The following SHLD1 variants were observed in gnomAD, a reference collection of about 807,000 sequenced individuals.
The protein encoded by SHLD1 is RINN1-REV7-interacting novel NHEJ regulator 3.
In SHLD1, 3 loss-of-function variants were observed where a neutral mutation model predicts 5.5. The ratio of observed to expected loss-of-function variants is 0.54; its 90% CI spans 0.25 to 1.40. SHLD1 has a LOEUF of 1.40. Ranked by LOEUF, SHLD1 falls within the 40% of genes most tolerant of loss-of-function variation. The pLI is 0.15. For missense variants in SHLD1, 210 were observed against 244.4 expected (o/e 0.86, Z 0.94); for synonymous variants, 92 against 94.3 (o/e 0.98, Z 0.14).
At chr20:5,809,975 TC>T (rs2122370169) in intron 2 of SHLD1, among the ~76,000 whole-genome samples, 1 of 152,102 alleles carries the variant, frequency 6.6e-6, no homozygotes, top group East Asian at 1.9e-4. Flanking sequence ...ATTGGATTGT[TC>T]GGCCAGGCGC....
At chr20:5,762,127 C>T (rs1243737966) in intron 1 of SHLD1, among the ~76,000 whole-genome samples, 1 of 151,518 alleles carries the variant, frequency 6.6e-6, no homozygotes, top group Non-Finnish European at 1.5e-5. Context: ...TGGTGGGCAC[C>T]TGTAATCCCA....
At chr20:5,752,492 C>T (rs1983813218) in intron 1 of SHLD1, among the ~76,000 whole-genome samples, 1 of 151,834 alleles carries the variant, frequency 6.6e-6, no homozygotes, top group African/African-American at 2.4e-5. Flanking sequence ...TGGGAAAGGC[C>T]TAGAAAAGGA....
rs2087385741 is a variant in SHLD1, at chr20:5,806,940, A to G, written c.178+33897A>G. Among the ~76,000 whole-genome samples, 1 of 152,232 alleles carries G rather than the reference A, an allele frequency of 6.6e-6. No homozygotes were observed. Reference sequence around the variant, plus strand: ...CCGAAGAGTGAGTGAGTGGTCGTGTAACCTGTACCTGCAATCTTGGCCTTG... The same window carrying G: ...CCGAAGAGTGAGTGAGTGGTCGTGTGACCTGTACCTGCAATCTTGGCCTTG... On this transcript the variant is annotated intron_variant, in intron 2 of 2. Coordinates refer to ENST00000303142, the MANE Select transcript of SHLD1 (RefSeq NM_152504.4). This position sits in a 1 kb window ranked among gnomAD's most constrained non-coding sequence, Gnocchi z 7.6.
chr20:5,795,370 G>A (rs1369756261), intron 2 of SHLD1, among the ~76,000 whole-genome samples: 10 of 152,052 alleles, frequency 6.6e-5, no homozygotes, highest in South Asian at 6.2e-4. Context: ...GCCAAGGTGG[G>A]CAGATCACTT....
intron 1 of SHLD1, among the ~76,000 whole-genome samples, chr20:5,767,895 CAGG>C (rs1465973800): frequency 1.3e-5 from 2 of 151,906 alleles, no homozygotes; most frequent in Admixed American, 6.6e-5. Context: ...GAGCTGGCTA[CAGG>C]AGGAGAAGGG....
Position 5,750,499 on chromosome 20 carries a change from G to GGGGT in SHLD1, c.-5+23_-5+24insTGGG, listed in dbSNP as rs1555766050. On this transcript the variant is annotated intron_variant, in intron 1 of 2. Coordinates refer to ENST00000303142, the MANE Select transcript of SHLD1 (RefSeq NM_152504.4). ...GGAGAGGTAAGCGCGGGATGGGATG[G>GGGGT]GGGGGGGTTGGAGTGGTGGGGGCGG... 1 of 137,138 alleles carries GGGGT rather than the reference G, an allele frequency of 7.3e-6. No individual in the cohort carries two copies. The highest frequency in any genetic ancestry group is 2.7e-5 in the African/African-American group (1 of 37,524). The allele number at this position is 137,138 out of a possible 1,614,324, so 8.5% of individuals were successfully genotyped here.
chr20:5,753,324 T>C lies in SHLD1; in HGVS notation c.-5+2845T>C, dbSNP rs139661645. Among the ~76,000 whole-genome samples, 435 of 152,308 alleles carry C rather than the reference T, an allele frequency of 2.9e-3. 4 individuals carry two copies. Among genetic ancestry groups the C allele is most frequent in the African/African-American group, 9.8e-3 (407 of 41,558 alleles). On this transcript the variant is annotated intron_variant, in intron 1 of 2. Transcript: ENST00000303142. The stretch of plus-strand genomic sequence containing the variant: ...TAACAATATATATAAATATAAAACA[T>C]AGAGACAGGGTCTTGCCGTGTGGCC...
rs753008247 is a variant in SHLD1, at chr20:5,853,842, C to CTT, written c.179-9168_179-9167dup. Among the ~76,000 whole-genome samples, 621 of 141,954 alleles carry CTT rather than the reference C, an allele frequency of 4.4e-3. 8 individuals carry two copies. Among genetic ancestry groups the CTT allele is most frequent in the African/African-American group, 0.015 (593 of 39,224 alleles). The allele number at this position is 141,954 out of a possible 152,430, so 93.1% of individuals were successfully genotyped here. On this transcript the variant is annotated intron_variant, in intron 2 of 2. Coordinates refer to ENST00000303142, the MANE Select transcript of SHLD1 (RefSeq NM_152504.4). ...CATAATAGCAGAGTCTCCACGTCTA[C>CTT]TTTTTTTTTTTTTTTGGAGATAGGG...
At chr20:5,750,320 A>G (rs1416421579), upstream of SHLD1, 1 of 151,936 alleles carries the variant, frequency 6.6e-6, no homozygotes, top group Non-Finnish European at 1.5e-5. Context: ...ATTGCCCTTC[A>G]CTGCCCGCAG....
intron 2 of SHLD1, among the ~76,000 whole-genome samples, chr20:5,849,061 C>G (rs1183860269): frequency 6.6e-6 from 1 of 152,142 alleles, no homozygotes; most frequent in Non-Finnish European, 1.5e-5. Flanking sequence ...TGGTTTTGTC[C>G]TTTAAAGGAA....
Position 5,863,148 on chromosome 20 carries a change from A to G in SHLD1, c.303A>G (p.Arg101=), listed in dbSNP as rs2122519537. 6.2e-7 allele frequency: 1 copy of G among 1,614,188 alleles called. No individual in the cohort carries two copies. The highest frequency in any genetic ancestry group is 8.5e-7 in the Non-Finnish European group (1 of 1,180,024). ...EDDGLRKSLD[R]FYEMFGHPQP... ...ATGGCCTTCGGAAATCCCTGGATAG[A>G]TTCTATGAAATGTTTGGTCATCCAC... Residue 101 remains arginine, a synonymous_variant, in exon 3 of 3, where the codon AGA becomes AGG. Transcript: ENST00000303142.
At chr20:5,825,706 G>A (rs67501052) in intron 2 of SHLD1, among the ~76,000 whole-genome samples, 58,211 of 152,072 alleles carry the variant, frequency 0.38, 13,098 homozygotes, top group East Asian at 0.53. Flanking sequence ...GTGCCATTGC[G>A]CTCCTGCCTG....
intron 2 of SHLD1, among the ~76,000 whole-genome samples, chr20:5,784,160 A>AG (rs1175956689): frequency 1.3e-5 from 2 of 150,806 alleles, no homozygotes; most frequent in Non-Finnish European, 3.0e-5. Flanking sequence ...AAAAAAAAAA[A>AG]AAAGAAAAAA....
intron 1 of SHLD1, among the ~76,000 whole-genome samples, chr20:5,764,532 A>AAC (rs1984715425): frequency 6.7e-6 from 1 of 150,298 alleles, no homozygotes; most frequent in East Asian, 2.0e-4. Flanking sequence ...TGTCTCAAAA[A>AAC]AAAAAAAAAA....
chr20:5,799,745 C>T (rs2087264928), intron 2 of SHLD1, among the ~76,000 whole-genome samples: 1 of 152,124 alleles, frequency 6.6e-6, no homozygotes, highest in South Asian at 2.1e-4. Flanking sequence ...TTCAAATTGC[C>T]TTCATGAAGT....
At chr20:5,841,321 A>G (rs2087857460) in intron 2 of SHLD1, among the ~76,000 whole-genome samples, 1 of 152,210 alleles carries the variant, frequency 6.6e-6, no homozygotes, top group Admixed American at 6.5e-5. Context: ...GTGTATACCC[A>G]CATAACCACT....
intron 2 of SHLD1, among the ~76,000 whole-genome samples, chr20:5,815,302 A>T (rs140792667): frequency 2.6e-5 from 4 of 152,302 alleles, no homozygotes; most frequent in African/African-American, 9.6e-5. Flanking sequence ...ATTTTGTAAA[A>T]GCTCAAGTGC....
chr20:5,814,685 GGTCTCACT>G (rs1489877633), intron 2 of SHLD1, among the ~76,000 whole-genome samples: 3 of 130,270 alleles, frequency 2.3e-5, no homozygotes, highest in Non-Finnish European at 4.7e-5. Context: ...TTTGAGATAG[GGTCTCACT>G]CTGTCACCCA....
At chr20:5,831,788 A>T (rs553485947) in intron 2 of SHLD1, among the ~76,000 whole-genome samples, 1 of 152,282 alleles carries the variant, frequency 6.6e-6, no homozygotes, top group East Asian at 1.9e-4. Context: ...AAGATTAGGA[A>T]ATGTGAAATG....
Sources: gnomAD v4.1 joint callset for allele counts (sites outside exome capture counted in the v4.1 genomes callset) on GRCh38, gnomAD v4.1.1 for gene constraint, Gnocchi (gnomAD v3.1) non-coding constraint, MANE v1.5 for transcripts, NCBI Gene and HGNC (gene_info 2026-07-23, HGNC 2026-07-21) for gene names.